Variants in ERI3 observed in about 807,000 individuals in gnomAD.
ERI3 encodes ERI1 exoribonuclease 3.
In ERI3, 18 loss-of-function variants were observed where a neutral mutation model predicts 44.4. That is an observed-to-expected ratio of 0.41 (90% CI 0.28 to 0.60). The LOEUF (loss-of-function observed/expected upper bound fraction) is 0.60. Ranked by LOEUF, ERI3 falls within the 20% of genes least tolerant of loss-of-function variation. The pLI is 0.36. For missense variants in ERI3, 294 were observed against 435.5 expected (o/e 0.68, Z 2.89); for synonymous variants, 183 against 164.8 (o/e 1.11, Z -0.84).
intron 3 of ERI3, among the ~76,000 whole-genome samples, chr1:44,337,460 T>G (rs1276173487): frequency 6.6e-6 from 1 of 152,002 alleles, no homozygotes; most frequent in African/African-American, 2.4e-5. Context: ...CCAGAGAAAA[T>G]CCAGTAGTTT....
At chr1:44,329,026 G>A (rs1269688269) in intron 3 of ERI3, among the ~76,000 whole-genome samples, 2 of 152,216 alleles carry the variant, frequency 1.3e-5, no homozygotes, top group South Asian at 2.1e-4. Context: ...GGCAGTGCCT[G>A]CTTCCTTTAG....
At chr1:44,353,040 A>C in intron 1 of ERI3, 115 bp from the exon 2 acceptor site, 1 of 1,553,586 alleles carries the variant, frequency 6.4e-7, no homozygotes. Context: ...ACTGCTATCT[A>C]TGTGCAAAGA....
At chr1:44,285,357 T>C (rs1405388735) in intron 6 of ERI3, among the ~76,000 whole-genome samples, 1 of 152,174 alleles carries the variant, frequency 6.6e-6, no homozygotes, top group Non-Finnish European at 1.5e-5. Context: ...AAAGCGTATG[T>C]TCTTTCTATG....
At chr1:44,278,311 T>C (rs1221868967) in intron 7 of ERI3, among the ~76,000 whole-genome samples, 4 of 152,048 alleles carry the variant, frequency 2.6e-5, no homozygotes, top group Non-Finnish European at 5.9e-5. Flanking sequence ...ACTCTATTTC[T>C]ACTAAAAATA....
chr1:44,252,504 G>A lies in ERI3; in HGVS notation c.832-4466C>T, dbSNP rs776802975. ...GCCTTTAATATTCTGACACCTCAGC[G>A]CAGCCTGCTATTACATGCAAACACT... On this transcript the variant is annotated intron_variant, in intron 7 of 8. Coordinates refer to ENST00000372257, the MANE Select transcript of ERI3 (RefSeq NM_024066.3). This position sits in a 1 kb window ranked among gnomAD's most constrained non-coding sequence, Gnocchi z 4.7. Among the ~76,000 whole-genome samples, 38 of 152,304 alleles carry A rather than the reference G, an allele frequency of 2.5e-4. No individual in the cohort carries two copies. Among genetic ancestry groups the A allele is most frequent in the African/African-American group, 8.7e-4 (36 of 41,560 alleles).
At chr1:44,313,003 T>A (rs1428862584) in intron 5 of ERI3, among the ~76,000 whole-genome samples, 166 bp downstream of exon 5, 2 of 152,186 alleles carry the variant, frequency 1.3e-5, no homozygotes, top group African/African-American at 4.8e-5. Context: ...AGATGACAGA[T>A]CAATGGTTCA....
At chr1:44,271,263 A>G (rs1348672887) in intron 7 of ERI3, among the ~76,000 whole-genome samples, 2 of 152,190 alleles carry the variant, frequency 1.3e-5, no homozygotes, top group Non-Finnish European at 2.9e-5. Context: ...AGTAGCTTAA[A>G]ATACCTGAAA....
intron 3 of ERI3, among the ~76,000 whole-genome samples, chr1:44,335,287 T>C (rs1009066631): frequency 2.6e-5 from 4 of 151,418 alleles, no homozygotes; most frequent in African/African-American, 7.3e-5. Context: ...AGGCTGAAGG[T>C]TGAGGCTGCA....
At chr1:44,229,033 A>C (rs1381246488) in intron 8 of ERI3, among the ~76,000 whole-genome samples, 1 of 152,212 alleles carries the variant, frequency 6.6e-6, no homozygotes, top group Non-Finnish European at 1.5e-5. Flanking sequence ...GGCTCCAGCC[A>C]CTGCAGAGGA....
intron 8 of ERI3, among the ~76,000 whole-genome samples, chr1:44,230,905 A>G (rs1043687887): frequency 3.3e-5 from 5 of 152,182 alleles, no homozygotes; most frequent in Admixed American, 3.3e-4. Flanking sequence ...TTAAATCCAA[A>G]TATCCCTTGT....
At chr1:44,304,245 A>G (rs1645787523) in intron 6 of ERI3, among the ~76,000 whole-genome samples, 1 of 152,148 alleles carries the variant, frequency 6.6e-6, no homozygotes. Flanking sequence ...ATTAGAAGAC[A>G]TCAGCATACA....
chr1:44,265,665 A>T (rs1644977303), intron 7 of ERI3, among the ~76,000 whole-genome samples: 1 of 152,166 alleles, frequency 6.6e-6, no homozygotes, highest in Non-Finnish European at 1.5e-5. Flanking sequence ...AAAAAAAAAA[A>T]GTGGTACTAT....
intron 6 of ERI3, among the ~76,000 whole-genome samples, chr1:44,306,163 C>A (rs147609200): frequency 2.3e-4 from 35 of 152,364 alleles, no homozygotes; most frequent in African/African-American, 8.2e-4. Flanking sequence ...GCTCCCTCCC[C>A]CAAGCCCTGC....
At chr1:44,223,431 C>G (rs1223072084) in intron 8 of ERI3, among the ~76,000 whole-genome samples, 1 of 151,982 alleles carries the variant, frequency 6.6e-6, no homozygotes, top group African/African-American at 2.4e-5. Flanking sequence ...GTAGTGCCAA[C>G]AGAGAGACTA....
chr1:44,268,477 C>G (rs574900895), intron 7 of ERI3, among the ~76,000 whole-genome samples: 1 of 152,284 alleles, frequency 6.6e-6, no homozygotes, highest in South Asian at 2.1e-4. Context: ...AACTGAAAAC[C>G]AATTAATGGG....
rs571962314 is a variant in ERI3 at position 44,294,774 on chromosome 1, G to C, written c.759-9867C>G. Among the ~76,000 whole-genome samples, 3 of 152,342 alleles carry C rather than the reference G, an allele frequency of 2.0e-5. No homozygotes were observed. The South Asian group carries it at 6.2e-4, about 32-fold the overall frequency. Reference sequence around the variant, plus strand: ...AATGAGCTATTCTCTTTTTGGCCAGGGAAACCAGGAGCTCCTTAGCAGATT... The same window carrying C: ...AATGAGCTATTCTCTTTTTGGCCAGCGAAACCAGGAGCTCCTTAGCAGATT... On this transcript the variant is annotated intron_variant, in intron 6 of 8. Coordinates refer to ENST00000372257, the MANE Select transcript of ERI3 (RefSeq NM_024066.3).
intron 4 of ERI3, among the ~76,000 whole-genome samples, chr1:44,315,113 C>T (rs957088966): frequency 2.0e-5 from 3 of 152,214 alleles, no homozygotes; most frequent in Admixed American, 6.5e-5. Context: ...ACATCAGGAC[C>T]ATCCTGGAAA....
At chr1:44,326,051 G>A (rs1646305771) in intron 3 of ERI3, among the ~76,000 whole-genome samples, 1 of 152,194 alleles carries the variant, frequency 6.6e-6, no homozygotes, top group South Asian at 2.1e-4. Flanking sequence ...AAGAGAATGA[G>A]CAGATCATTT....
At chr1:44,297,678 T>C (rs918541828) in intron 6 of ERI3, among the ~76,000 whole-genome samples, 1 of 152,176 alleles carries the variant, frequency 6.6e-6, no homozygotes, top group African/African-American at 2.4e-5. Context: ...TGGATCTGCA[T>C]AGCATCTGCA....
Sources: allele counts gnomAD v4.1 joint callset (sites outside exome capture counted in the v4.1 genomes callset), GRCh38; gene constraint gnomAD v4.1.1; non-coding constraint Gnocchi (gnomAD v3.1); transcripts MANE v1.5; gene names NCBI Gene and HGNC (gene_info 2026-07-23, HGNC 2026-07-21).